Variants in PKD1L3 observed in about 807,000 individuals in gnomAD.
PKD1L3 encodes polycystin 1 like 3, transient receptor potential channel interacting.
PKD1L3 carries 239 observed loss-of-function variants against 184.1 expected under a neutral mutation model. The observed-to-expected ratio is 1.30, with a 90% CI of 1.17 to 1.45. The LOEUF (loss-of-function observed/expected upper bound fraction) is 1.45. Ranked by LOEUF, PKD1L3 falls within the 40% of genes most tolerant of loss-of-function variation. The probability of loss-of-function intolerance (pLI) is 0.00; values close to 1 mark genes in which losing one functional copy is unlikely to be tolerated. For synonymous variants in PKD1L3, 996 were observed against 778.8 expected, an observed-to-expected ratio of 1.28 and a Z score of -4.64; for missense variants, 2,660 against 2,067.2, an observed-to-expected ratio of 1.29 and a Z score of -5.56.
Position 71,967,461 on chromosome 16 carries a change from G to A in PKD1L3, c.2287-146C>T, listed in dbSNP as rs2039545838. 9.5e-6 allele frequency: 8 copies of A among 843,704 alleles called. No homozygotes were observed. In the South Asian group the frequency reaches 1.5e-4, roughly 16 times the overall value. The allele number at this position is 843,704 out of a possible 1,614,324, so 52.3% of individuals were successfully genotyped here. Reference sequence around the variant, plus strand: ...CAAGCATAGATAATTCTTCATATATGCAGTATAGATATATTTTTTCTGACA... The same window carrying A: ...CAAGCATAGATAATTCTTCATATATACAGTATAGATATATTTTTTCTGACA... On this transcript the variant is annotated intron_variant, in intron 14 of 29. Coordinates refer to ENST00000620267, the MANE Select transcript of PKD1L3 (RefSeq NM_181536.2).
intron 24 of PKD1L3, among the ~76,000 whole-genome samples, chr16:71,941,826 C>T (rs1281756222): frequency 1.3e-5 from 2 of 151,410 alleles, no homozygotes; most frequent in African/African-American, 4.8e-5. Context: ...CCTTGTGATC[C>T]ACCTGCCTCG....
intron 22 of PKD1L3, among the ~76,000 whole-genome samples, chr16:71,945,512 C>G (rs1296128116): frequency 6.6e-5 from 10 of 150,712 alleles, no homozygotes; most frequent in African/African-American, 2.0e-4. Context: ...AAACTTGTCT[C>G]TACTAAAAAT....
At chr16:71,936,404 T>C (rs553634685) in intron 25 of PKD1L3, among the ~76,000 whole-genome samples, 96 of 152,070 alleles carry the variant, frequency 6.3e-4, no homozygotes, top group African/African-American at 1.9e-3. Flanking sequence ...GGTTTCGCCA[T>C]GTTGGCCAGG....
intron 22 of PKD1L3, among the ~76,000 whole-genome samples, chr16:71,946,395 T>C (rs924440041): frequency 1.3e-5 from 2 of 152,208 alleles, no homozygotes; most frequent in Admixed American, 1.3e-4. Flanking sequence ...ACTTTATCTA[T>C]AAATGCATAG....
intron 16 of PKD1L3, among the ~76,000 whole-genome samples, chr16:71,957,401 T>A (rs943683035): frequency 1.3e-5 from 2 of 151,984 alleles, no homozygotes; most frequent in African/African-American, 4.8e-5. Context: ...AACTCACAAA[T>A]TAAAAGATAG....
intron 11 of PKD1L3, among the ~76,000 whole-genome samples, chr16:71,976,765 C>T (rs565336598): frequency 1.3e-5 from 2 of 152,180 alleles, no homozygotes; most frequent in African/African-American, 2.4e-5. Context: ...CTTTTTGAGA[C>T]GGAGTCTGTC....
chr16:71,955,468 C>T (rs1011825612), intron 16 of PKD1L3, among the ~76,000 whole-genome samples: 7 of 151,812 alleles, frequency 4.6e-5, no homozygotes, highest in African/African-American at 1.4e-4. Flanking sequence ...TATATAAACA[C>T]ACACACATAA....
chr16:71,940,370 T>C (rs769225737), intron 24 of PKD1L3, among the ~76,000 whole-genome samples: 2 of 152,184 alleles, frequency 1.3e-5, no homozygotes, highest in Non-Finnish European at 2.9e-5. Flanking sequence ...CAACTTGCTC[T>C]GATAAGTATA....
rs1220889537 is a variant in PKD1L3 at position 71,945,383 on chromosome 16, C to CAT, written c.3719-1215_3719-1214dup. Reference sequence around the variant, plus strand: ...ATTTATATACACACACGCACACACACATATATATATATATATTTATTTATT... The same window carrying CAT: ...ATTTATATACACACACGCACACACACATATATATATATATATATTTATTTATT... On this transcript the variant is annotated intron_variant, in intron 22 of 29. Coordinates refer to ENST00000620267, the MANE Select transcript of PKD1L3 (RefSeq NM_181536.2). Among the ~76,000 whole-genome samples, 260 of 56,978 alleles carry CAT rather than the reference C, an allele frequency of 4.6e-3. 4 individuals are homozygous for CAT. The highest frequency in any genetic ancestry group is 0.011 in the African/African-American group (198 of 18,074). The allele number at this position is 56,978 out of a possible 152,430, so 37.4% of individuals were successfully genotyped here. A position where few individuals can be genotyped will look rare whatever the true frequency, so the allele number is the denominator to read the frequency against.
chr16:71,959,905 C>T (rs1384495171), intron 16 of PKD1L3, among the ~76,000 whole-genome samples: 2 of 152,010 alleles, frequency 1.3e-5, no homozygotes, highest in South Asian at 2.1e-4. Flanking sequence ...ATCACTTGAA[C>T]CCAGGAGTTC....
chr16:71,937,309 A>T lies in PKD1L3; in HGVS notation c.4435T>A (p.Tyr1479Asn), dbSNP rs531916919. ...SQVIYYLLVC[Y>N]YAFIQGCQLK... Reference sequence around the variant, plus strand: ...TGACTCACCTGTATGAAGGCATAGTAACAGACCAGTAGATAATAGATGACT... The same window carrying T: ...TGACTCACCTGTATGAAGGCATAGTTACAGACCAGTAGATAATAGATGACT... The change falls in exon 25 of 30, where the codon TAC becomes AAC. Residue 1479 changes from tyrosine (Y) to asparagine (N), a missense_variant. Coordinates refer to ENST00000620267, the MANE Select transcript of PKD1L3 (RefSeq NM_181536.2). 6.4e-7 allele frequency: 1 copy of T among 1,551,540 alleles called. No individual in the cohort carries two copies. The highest frequency in any genetic ancestry group is 2.0e-5 in the Admixed American group (1 of 51,002).
At chr16:71,988,166 G>C (rs889545) in intron 4 of PKD1L3, among the ~76,000 whole-genome samples, 1 of 152,116 alleles carries the variant, frequency 6.6e-6, no homozygotes, top group Non-Finnish European at 1.5e-5. Context: ...AAGCAGATCA[G>C]TAGGAGGCAA....
Position 71,978,309 on chromosome 16 carries a change from T to G in PKD1L3, c.1473A>C (p.Leu491Phe). 6.4e-7 allele frequency: 1 copy of G among 1,550,970 alleles called. No homozygotes were observed. The highest frequency in any genetic ancestry group is 1.2e-5 in the South Asian group (1 of 84,052). The change falls in exon 10 of 30, where the codon TTA becomes TTC. Residue 491 changes from leucine (L) to phenylalanine (F), a missense_variant. Physicochemically the swap from Leu to Phe is conservative, Grantham distance 22 (BLOSUM62 0). Transcript: ENST00000620267. Reference protein sequence around the residue: ...RNIVGSIGSVLLSANRKLLQV... With the variant: ...RNIVGSIGSVFLSANRKLLQV... ...GGAGCAATTTACGATTAGCGCTTAG[T>G]AACACACTTCCAATGCTTCCAACAA...
chr16:71,929,685 A>G lies in PKD1L3; in HGVS notation c.5059-7T>C. ...CTATTAGTGCAGCTTCTTTCTGAGT[A>G]TTGAAGACAAAAAGAGAAAAGTGAG... On this transcript the variant is annotated splice_region_variant and splice_polypyrimidine_tract_variant and intron_variant, in intron 29 of 29. Coordinates refer to ENST00000620267, the MANE Select transcript of PKD1L3 (RefSeq NM_181536.2). The G allele has an allele frequency of 6.5e-7, 1 of 1,528,516 alleles. No individual in the cohort carries two copies. Among genetic ancestry groups the G allele is most frequent in the Non-Finnish European group, 8.8e-7 (1 of 1,138,448 alleles). The allele number at this position is 1,528,516 out of a possible 1,614,324, so 94.7% of individuals were successfully genotyped here.
chr16:71,950,286 A>G lies in PKD1L3; in HGVS notation c.3215T>C (p.Phe1072Ser). The G allele has an allele frequency of 1.3e-6, 2 of 1,529,406 alleles. No homozygotes were observed. The highest frequency in any genetic ancestry group is 1.8e-6 in the Non-Finnish European group (2 of 1,135,078). 94.7% of individuals were successfully genotyped at this position (1,529,406 alleles called of 1,614,324 possible). A position where few individuals can be genotyped will look rare whatever the true frequency, so the allele number is the denominator to read the frequency against. Residue 1072 changes from phenylalanine to serine, a missense_variant, in exon 20 of 30, where the codon TTC becomes TCC. Transcript: ENST00000620267. ...ARVVPENHHH[F>S]CCYLHRVLQR... ...CAGAACTCTATGCAGGTAACAGCAG[A>G]AATGATGGTGGTTTTCAGGAACAAC...
chr16:71,992,422 A>T (rs1461729172), intron 3 of PKD1L3, among the ~76,000 whole-genome samples: 1 of 152,238 alleles, frequency 6.6e-6, no homozygotes, highest in Non-Finnish European at 1.5e-5. Flanking sequence ...TAATGGAAGC[A>T]TTGCTCTCAC....
chr16:71,963,470 G>T, intron 15 of PKD1L3, 119 bp from the exon 16 acceptor site: 1 of 1,105,772 alleles, frequency 9.0e-7, no homozygotes, highest in African/African-American at 1.6e-5. Context: ...TCATTGCAAG[G>T]CAAGAACTAA....
chr16:71,960,951 C>T (rs1312988704), intron 16 of PKD1L3, among the ~76,000 whole-genome samples: 7 of 152,040 alleles, frequency 4.6e-5, no homozygotes, highest in Non-Finnish European at 5.9e-5. Flanking sequence ...AAATAGTATT[C>T]GCTACCCCTT....
At chr16:71,937,269 G>T in intron 25 of PKD1L3, 23 bp downstream of exon 25, 2 of 1,545,820 alleles carry the variant, frequency 1.3e-6, no homozygotes, top group South Asian at 1.2e-5. Context: ...TGCCCAGGCT[G>T]ACATCTAACA....
Sources: gnomAD v4.1 joint callset for allele counts (sites outside exome capture counted in the v4.1 genomes callset) on GRCh38, gnomAD v4.1.1 for gene constraint, MANE v1.5 for transcripts, NCBI Gene and HGNC (gene_info 2026-07-23, HGNC 2026-07-21) for gene names.